Variants in H2AZ2 observed in about 807,000 individuals in gnomAD.
H2AZ2 encodes H2A.Z variant histone 2.
H2AZ2 carries 5 observed loss-of-function variants against 15.5 expected under a neutral mutation model. The ratio of observed to expected loss-of-function variants is 0.32; its 90% confidence interval spans 0.17 to 0.68. H2AZ2 has a LOEUF of 0.68. H2AZ2 is among the 30% of genes least tolerant of loss of function. The probability of loss-of-function intolerance (pLI) is 0.72; values close to 1 mark genes in which losing one functional copy is unlikely to be tolerated. For synonymous variants in H2AZ2, 44 were observed against 57.4 expected (o/e 0.77, Z 1.05); for missense variants, 42 against 162.5 (o/e 0.26, Z 4.03).
chr7:44,843,801 G>T (rs1057404079), intron 1 of H2AZ2, among the ~76,000 whole-genome samples: 1 of 152,018 alleles, frequency 6.6e-6, no homozygotes, highest in Non-Finnish European at 1.5e-5. Context: ...CAAGTGATCC[G>T]CCCGCCTAGG....
chr7:44,843,567 CT>C (rs1255342600), intron 1 of H2AZ2, among the ~76,000 whole-genome samples: 1 of 151,894 alleles, frequency 6.6e-6, no homozygotes, highest in Non-Finnish European at 1.5e-5. Context: ...AAATATTTTT[CT>C]TTTTTCTTGA....
chr7:44,831,707 T>C (rs945968031), downstream of H2AZ2, among the ~76,000 whole-genome samples: 2 of 152,216 alleles, frequency 1.3e-5, no homozygotes, highest in African/African-American at 4.8e-5. Context: ...TTCCAGCTAA[T>C]AGATGCAGAA....
rs939987765 is a variant in H2AZ2, at chr7:44,843,368, A to G, written c.4-14T>C. On this transcript the variant is annotated splice_polypyrimidine_tract_variant and intron_variant, in intron 1 of 4. Coordinates refer to ENST00000308153, the MANE Select transcript of H2AZ2 (RefSeq NM_012412.5). ...TTTGCCTCCAGCCTAAATGCAAAAA[A>G]AAATTTTTTTGAATGAAAAGAGTTG... is the stretch of plus-strand genomic sequence containing the variant. The G allele has an allele frequency of 4.4e-6, 7 of 1,597,650 alleles. No homozygotes were observed. Among genetic ancestry groups the G allele is most frequent in the Non-Finnish European group, 6.0e-6 (7 of 1,172,642 alleles).
intron 4 of H2AZ2, 37 bp downstream of exon 4, chr7:44,835,492 G>T: frequency 6.3e-7 from 1 of 1,585,738 alleles, no homozygotes; most frequent in Non-Finnish European, 8.6e-7. Context: ...TAGTCAGAAA[G>T]ACCAATAAGA....
chr7:44,829,238 C>G (rs923836547), downstream of H2AZ2: 4 of 152,170 alleles, frequency 2.6e-5, no homozygotes, highest in Non-Finnish European at 5.9e-5. Context: ...GCCAAGTGTC[C>G]AAGCAGTTAT....
intron 2 of H2AZ2, among the ~76,000 whole-genome samples, chr7:44,841,249 C>G (rs146182342): frequency 6.6e-6 from 1 of 152,126 alleles, no homozygotes; most frequent in African/African-American, 2.4e-5. Context: ...AGAAATACCA[C>G]GCTGGGCTGT....
chr7:44,847,859 A>G (rs1421022786), intron 1 of H2AZ2, 110 bp downstream of exon 1: 3 of 1,445,364 alleles, frequency 2.1e-6, no homozygotes, highest in African/African-American at 1.5e-5. Flanking sequence ...GGCCGGACGA[A>G]GCCCAGACAC....
Position 44,833,839 on chromosome 7 carries a change from T to C in H2AZ2, c.*662A>G, listed in dbSNP as rs369349228. 2 of 333,934 alleles carry C rather than the reference T, an allele frequency of 6.0e-6. No homozygotes were observed. Among genetic ancestry groups the C allele is most frequent in the South Asian group, 1.2e-4 (1 of 8,290 alleles). The allele number at this position is 333,934 out of a possible 1,614,324, so 20.7% of individuals were successfully genotyped here. The stretch of plus-strand genomic sequence containing the variant: ...ACCCTTAGGCTCCACATCTATAATG[T>C]GGCAGCAACAACTTTCTTGGTCAGT... On this transcript the variant is annotated 3_prime_UTR_variant, in exon 5 of 5. Transcript: ENST00000308153.
intron 2 of H2AZ2, among the ~76,000 whole-genome samples, chr7:44,842,859 A>G (rs767851241): frequency 2.6e-5 from 4 of 152,082 alleles, no homozygotes; most frequent in Non-Finnish European, 5.9e-5. Flanking sequence ...AGGGTTTCTC[A>G]GCCAGGCGCG....
chr7:44,830,167 A>G (rs1345662206), downstream of H2AZ2: 2 of 1,613,394 alleles, frequency 1.2e-6, no homozygotes, highest in South Asian at 1.1e-5. Flanking sequence ...CTCTTCTCTA[A>G]CAAGAAATAA....
rs1793322413 is a variant in H2AZ2, at chr7:44,843,319, G to A, written c.39C>T (p.Ala13=). The stretch of plus-strand genomic sequence containing the variant: ...GTGAGCGAGATACTGCCTTAGCCTT[G>A]GCCTTCCCACTGTCCTTTCCAGCTT... ...GGKAGKDSGK[A]KAKAVSRSQR... Residue 13 remains alanine (A), a synonymous_variant, in exon 2 of 5, where the codon GCC becomes GCT. Coordinates refer to ENST00000308153, the MANE Select transcript of H2AZ2 (RefSeq NM_012412.5). 8.1e-6 allele frequency: 13 copies of A among 1,612,920 alleles called. No individual in the cohort carries two copies. The highest frequency in any genetic ancestry group is 1.3e-5 in the African/African-American group (1 of 74,842).
chr7:44,831,327 G>A (rs972491318), downstream of H2AZ2, among the ~76,000 whole-genome samples: 1 of 152,164 alleles, frequency 6.6e-6, no homozygotes, highest in Non-Finnish European at 1.5e-5. Context: ...GCTAAGCCCA[G>A]AGTACATGAC....
chr7:44,832,267 C>T lies in H2AZ2; in HGVS notation c.*2234G>A, dbSNP rs1158887052. On this transcript the variant is annotated 3_prime_UTR_variant, in exon 5 of 5. Coordinates refer to ENST00000308153, the MANE Select transcript of H2AZ2 (RefSeq NM_012412.5). ...TACTTGGCATCAAAAAATGTTTTAG[C>T]AGTCTTACACAATGGTATTGTGGTT... Among the ~76,000 whole-genome samples, 1 of 152,104 alleles carries T rather than the reference C, an allele frequency of 6.6e-6. No homozygotes were observed. Among genetic ancestry groups the T allele is most frequent in the East Asian group, 1.9e-4 (1 of 5,190 alleles).
At chr7:44,846,366 C>A (rs1311426308) in intron 1 of H2AZ2, among the ~76,000 whole-genome samples, 1 of 151,874 alleles carries the variant, frequency 6.6e-6, no homozygotes, top group East Asian at 1.9e-4. Context: ...GCCTGTAATC[C>A]CAGCACTTTG....
At chr7:44,847,810 G>A (rs1479143806) in intron 1 of H2AZ2, among the ~76,000 whole-genome samples, 159 bp downstream of exon 1, 1 of 152,014 alleles carries the variant, frequency 6.6e-6, no homozygotes, top group Non-Finnish European at 1.5e-5. Context: ...GGGCTCCGCA[G>A]CTGGGACATG....
chr7:44,830,031 G>T, downstream of H2AZ2: 1 of 931,070 alleles, frequency 1.1e-6, no homozygotes. Context: ...AAATGTCCTT[G>T]TTCAGCACAT....
At chr7:44,835,851 G>A (rs975088709) in intron 3 of H2AZ2, among the ~76,000 whole-genome samples, 193 bp from the exon 4 acceptor site, 2 of 151,780 alleles carry the variant, frequency 1.3e-5, no homozygotes, top group Admixed American at 1.3e-4. Context: ...CTCTGCAACA[G>A]AGACACAAAC....
chr7:44,843,329 C>T lies in H2AZ2; in HGVS notation c.29G>A (p.Ser10Asn). The T allele has an allele frequency of 6.2e-7, 1 of 1,612,920 alleles. No individual in the cohort carries two copies. The highest frequency in any genetic ancestry group is 8.5e-7 in the Non-Finnish European group (1 of 1,179,636). MAGGKAGKDSGKAKAKAVSR... is the reference protein window; with the variant it reads MAGGKAGKDNGKAKAKAVSR... ...TACTGCCTTAGCCTTGGCCTTCCCA[C>T]TGTCCTTTCCAGCTTTGCCTCCAGC... is the stretch of plus-strand genomic sequence containing the variant. Residue 10 changes from serine to asparagine, a missense_variant, in exon 2 of 5, where the codon AGT becomes AAT. By Grantham distance (46) the Ser-to-Asn change is conservative. Transcript: ENST00000308153.
intron 3 of H2AZ2, among the ~76,000 whole-genome samples, chr7:44,836,631 C>T (rs1793129959): frequency 6.6e-6 from 1 of 152,026 alleles, no homozygotes; most frequent in Non-Finnish European, 1.5e-5. Context: ...TATTCTCCTG[C>T]CTCAGCCTCC....
Sources: gnomAD v4.1 joint callset for allele counts (sites outside exome capture counted in the v4.1 genomes callset) on GRCh38, gnomAD v4.1.1 for gene constraint, MANE v1.5 for transcripts, NCBI Gene and HGNC (gene_info 2026-07-23, HGNC 2026-07-21) for gene names.